BEND4: variants seen among roughly 807,000 people sequenced by gnomAD.
BEND4 encodes BEN domain containing 4.
Under a neutral mutation model 54.7 loss-of-function variants are expected in BEND4, and 27 were observed. That is an observed-to-expected ratio of 0.49 (90% CI 0.36 to 0.68). The LOEUF (loss-of-function observed/expected upper bound fraction) is 0.68, where lower values mean the gene tolerates loss of function less well. BEND4 is among the 30% of genes least tolerant of loss of function. The pLI, the probability that BEND4 is intolerant of heterozygous loss-of-function variation, is 0.00. For missense variants in BEND4, 702 were observed against 697.2 expected, an observed-to-expected ratio of 1.01 and a Z score of -0.08; for synonymous variants, 327 against 299.5, an observed-to-expected ratio of 1.09 and a Z score of -0.95.
intron 5 of BEND4, 134 bp downstream of exon 5, chr4:42,119,920 G>T: frequency 9.0e-7 from 1 of 1,108,276 alleles, no homozygotes; most frequent in Non-Finnish European, 1.3e-6. Flanking sequence ...GAGTAGATGG[G>T]CCACATGAAG....
intron 2 of BEND4, among the ~76,000 whole-genome samples, chr4:42,145,387 T>G (rs1394426360): frequency 1.3e-5 from 2 of 152,070 alleles, no homozygotes; most frequent in African/African-American, 2.4e-5. Context: ...TTTTCCAACT[T>G]TTTAATAAGA....
intron 3 of BEND4, 111 bp from the exon 4 acceptor site, chr4:42,125,785 C>T (rs1431928187): frequency 3.0e-6 from 2 of 657,838 alleles, no homozygotes; most frequent in African/African-American, 3.7e-5. Flanking sequence ...GGCACCCATA[C>T]TGGAGTGCAG....
chr4:42,140,728 A>G (rs1720851620), intron 3 of BEND4, among the ~76,000 whole-genome samples: 1 of 152,146 alleles, frequency 6.6e-6, no homozygotes, highest in Admixed American at 6.5e-5. Context: ...AGCTTGCCAA[A>G]TATTTAGGAT....
In BEND4 at chr4:42,120,248, T is replaced by C; in HGVS notation, c.1193A>G (p.Lys398Arg). ...AGAATTTACAGCCTCATCCCACTGT[T>C]TGCTCGTTATGTAGACAGGATAGTT... ...LNNYPVYITS[K>R]QWDEAVNSSK... Residue 398 changes from lysine (K) to arginine (R), a missense_variant, in exon 5 of 6, where the codon AAA becomes AGA. Transcript: ENST00000502486. The C allele has an allele frequency of 6.2e-7, 1 of 1,613,652 alleles. No homozygotes were observed. The highest frequency in any genetic ancestry group is 8.5e-7 in the Non-Finnish European group (1 of 1,179,636).
At chr4:42,136,072 T>C (rs1364625132) in intron 3 of BEND4, among the ~76,000 whole-genome samples, 1 of 152,210 alleles carries the variant, frequency 6.6e-6, no homozygotes, top group Non-Finnish European at 1.5e-5. Flanking sequence ...TCATTCGCTG[T>C]AATACTCAGA....
At chr4:42,144,545 G>C (rs559982267) in intron 2 of BEND4, among the ~76,000 whole-genome samples, 1 of 152,218 alleles carries the variant, frequency 6.6e-6, no homozygotes, top group Non-Finnish European at 1.5e-5. Flanking sequence ...CAAAGAGTAG[G>C]CCTATGGGCA....
At chr4:42,144,636 T>G (rs1244692318) in intron 2 of BEND4, among the ~76,000 whole-genome samples, 2 of 152,258 alleles carry the variant, frequency 1.3e-5, no homozygotes, top group Non-Finnish European at 2.9e-5. Context: ...TAACTTGGAC[T>G]TCTTGTCAAG....
At chr4:42,137,111 C>T (rs1469632198) in intron 3 of BEND4, among the ~76,000 whole-genome samples, 1 of 152,106 alleles carries the variant, frequency 6.6e-6, no homozygotes, top group Non-Finnish European at 1.5e-5. Context: ...GATTATAATC[C>T]TAAATTTCCA....
chr4:42,132,130 G>A (rs1315238186), intron 3 of BEND4, among the ~76,000 whole-genome samples: 1 of 152,264 alleles, frequency 6.6e-6, no homozygotes, highest in Non-Finnish European at 1.5e-5. Context: ...AGGTGCATGG[G>A]CACTGAAAAG....
intron 3 of BEND4, among the ~76,000 whole-genome samples, chr4:42,134,404 T>A (rs936939951): frequency 6.6e-6 from 1 of 152,210 alleles, no homozygotes; most frequent in Non-Finnish European, 1.5e-5. Context: ...AGCTCCTGAA[T>A]TGTAAATATC....
At position 42,120,175 on chromosome 4, in the gene BEND4, A is replaced by T; in HGVS notation, c.1266T>A (p.Val422=). ...AGTACTTAAGCTCATCGGTTGTGAA[A>T]ACAAATCTGATGAGGTATCGAAGGA... ...RRLLRYLIRF[V]FTTDELKYSC... The change falls in exon 5 of 6, where the codon GTT becomes GTA. Residue 422 remains valine, a synonymous_variant. Transcript: ENST00000502486. 6.2e-7 allele frequency: 1 copy of T among 1,613,972 alleles called. No homozygotes were observed. The highest frequency in any genetic ancestry group is 1.1e-5 in the South Asian group (1 of 91,068).
In BEND4 at chr4:42,114,916, G is replaced by A. The variant is rs1037115871; in HGVS notation, c.*2602C>T. The A allele has an allele frequency of 6.6e-6, 1 of 152,418 alleles. No homozygotes were observed. The highest frequency in any genetic ancestry group is 1.5e-5 in the Non-Finnish European group (1 of 68,192). The allele number at this position is 152,418 out of a possible 1,614,324, so 9.4% of individuals were successfully genotyped here. ...GTGATGCTGTATCACGGCCTCAGTG[G>A]CGGCTAGTGCCTGCGTCAGACGCTA... On this transcript the variant is annotated 3_prime_UTR_variant, in exon 6 of 6. Transcript: ENST00000502486.
At chr4:42,130,811 C>A (rs1560578559) in intron 3 of BEND4, among the ~76,000 whole-genome samples, 1 of 152,272 alleles carries the variant, frequency 6.6e-6, no homozygotes, top group East Asian at 1.9e-4. Flanking sequence ...ATGGAATCAA[C>A]CCAAATGCTC....
chr4:42,151,416 C>T (rs1721276586), intron 2 of BEND4: 1 of 330,372 alleles, frequency 3.0e-6, no homozygotes, highest in African/African-American at 2.1e-5. Flanking sequence ...GCCGTGCTTC[C>T]CGGCGCGGGA....
intron 4 of BEND4, 109 bp from the exon 5 acceptor site, chr4:42,120,403 G>T: frequency 7.3e-7 from 1 of 1,363,488 alleles, no homozygotes. Flanking sequence ...TGGCTATGCT[G>T]ACAATGAACC....
chr4:42,151,811 G>T lies in BEND4; in HGVS notation c.333C>A (p.Gly111=). The change falls in exon 2 of 6, where the codon GGC becomes GGA. Residue 111 remains glycine (G), a synonymous_variant. Coordinates refer to ENST00000502486, the MANE Select transcript of BEND4 (RefSeq NM_207406.4). The stretch of plus-strand genomic sequence containing the variant: ...GCGGCTGCGCCGGAGTCCTCAAGTG[G>T]CCCTGGGATGTGGCGGGCGTGCAGG... ...SPSCTPATSQ[G]HLRTPAQPPP... 4.2e-6 allele frequency: 6 copies of T among 1,438,776 alleles called. No homozygotes were observed. The highest frequency in any genetic ancestry group is 5.4e-6 in the Non-Finnish European group (6 of 1,106,976). 89.1% of individuals were successfully genotyped at this position (1,438,776 alleles called of 1,614,324 possible). A position where few individuals can be genotyped will look rare whatever the true frequency, so the allele number is the denominator to read the frequency against.
At chr4:42,134,057 G>A (rs1337812724) in intron 3 of BEND4, among the ~76,000 whole-genome samples, 1 of 152,198 alleles carries the variant, frequency 6.6e-6, no homozygotes, top group African/African-American at 2.4e-5. Flanking sequence ...TCTTGTATGA[G>A]CAGCTGGTAA....
At chr4:42,133,135 T>C (rs1356666824) in intron 3 of BEND4, among the ~76,000 whole-genome samples, 3 of 152,344 alleles carry the variant, frequency 2.0e-5, no homozygotes, top group South Asian at 4.1e-4. Context: ...TGTAAACTAT[T>C]GTCATTTTAA....
chr4:42,117,289 A>C lies in BEND4; in HGVS notation c.*229T>G, dbSNP rs1282486973. 2.3e-6 allele frequency: 1 copy of C among 441,930 alleles called. No individual in the cohort carries two copies. Among genetic ancestry groups the C allele is most frequent in the Non-Finnish European group, 4.0e-6 (1 of 252,338 alleles). 27.4% of individuals were successfully genotyped at this position (441,930 alleles called of 1,614,324 possible). ...TGATCTAGCTAGTAATCATTTAAAA[A>C]TCAGATGTAGTTTTTTCTTTTTATA... On this transcript the variant is annotated 3_prime_UTR_variant, in exon 6 of 6. Transcript: ENST00000502486.
Sources: gnomAD v4.1 joint callset for allele counts (sites outside exome capture counted in the v4.1 genomes callset) on GRCh38, gnomAD v4.1.1 for gene constraint, MANE v1.5 for transcripts, NCBI Gene and HGNC (gene_info 2026-07-23, HGNC 2026-07-21) for gene names.